COL26A1: variants seen among roughly 807,000 people sequenced by gnomAD.
COL26A1 encodes the protein collagen alpha-1(XXVI) chain.
A neutral mutation model predicts 59.3 loss-of-function variants in COL26A1; 41 were observed. That is an observed-to-expected ratio of 0.69 (90% CI 0.54 to 0.90). COL26A1 has a LOEUF of 0.90. Ranked by LOEUF, COL26A1 falls within the 40% of genes least tolerant of loss-of-function variation. The pLI is 0.00. For missense variants in COL26A1, 612 were observed against 602.3 expected (o/e 1.02, Z -0.17); for synonymous variants, 266 against 256.0 (o/e 1.04, Z -0.37).
Position 101,544,004 on chromosome 7 carries a change from C to G in COL26A1, c.611C>G (p.Pro204Arg). 3 of 1,569,142 alleles carry G rather than the reference C, an allele frequency of 1.9e-6. No individual in the cohort carries two copies. The highest frequency in any genetic ancestry group is 2.3e-5 in the South Asian group (2 of 85,324). ...TGTCTCCTTCTCTCCCCAGGGCCCC[C>G]GGGGCAGACAGGACCACCAGGGCCT... ...QRRPTGPAGP[P>R]GQTGPPGPAG... Residue 204 changes from proline to arginine, a missense_variant, in exon 6 of 13, where the codon CCG becomes CGG. Physicochemically the swap from Pro to Arg is moderately radical, Grantham distance 103. Transcript: ENST00000313669.
At chr7:101,514,727 G>A (rs1794993616) in intron 3 of COL26A1, among the ~76,000 whole-genome samples, 2 of 152,242 alleles carry the variant, frequency 1.3e-5, no homozygotes, top group South Asian at 4.1e-4. Context: ...GCGGGCAGGA[G>A]AGAAGGAGAA....
At chr7:101,555,662 A>G (rs987572549) in intron 11 of COL26A1, 125 bp from the exon 12 acceptor site, 6 of 622,942 alleles carry the variant, frequency 9.6e-6, no homozygotes, top group Admixed American at 4.8e-5. Context: ...TGCAGTGGTG[A>G]GGGTGTCGGG....
chr7:101,501,942 C>T (rs979045211), intron 3 of COL26A1, among the ~76,000 whole-genome samples: 30 of 152,296 alleles, frequency 2.0e-4, no homozygotes, highest in Admixed American at 1.9e-3. Context: ...GCTGCGTGTG[C>T]AGCTCCAAAA....
intron 3 of COL26A1, among the ~76,000 whole-genome samples, chr7:101,523,744 A>C (rs574388155): frequency 2.6e-4 from 40 of 152,272 alleles, no homozygotes; most frequent in Middle Eastern, 3.4e-3. Flanking sequence ...TCGTGTCTTA[A>C]TTACTATAGT....
chr7:101,488,271 ACT>A (rs1312932341), intron 3 of COL26A1, among the ~76,000 whole-genome samples: 1 of 147,602 alleles, frequency 6.8e-6, no homozygotes, highest in East Asian at 2.0e-4. Context: ...ACAGAGTGAG[ACT>A]CTGTCTCAAA....
At chr7:101,372,236 GCTCACTGCAACCTCCGC>G (rs1791212272) in intron 1 of COL26A1, among the ~76,000 whole-genome samples, 1 of 151,710 alleles carries the variant, frequency 6.6e-6, no homozygotes, top group African/African-American at 2.4e-5. Flanking sequence ...TGCGATCTTG[GCTCACTGCAACCTCCGC>G]CTCCAGGGTT....
At chr7:101,470,857 G>A (rs1022723700) in intron 3 of COL26A1, among the ~76,000 whole-genome samples, 7 of 151,938 alleles carry the variant, frequency 4.6e-5, no homozygotes, top group African/African-American at 7.3e-5. Context: ...CTCTAGTCAC[G>A]TGGCTGGCTT....
At chr7:101,503,255 T>C (rs141244210) in intron 3 of COL26A1, among the ~76,000 whole-genome samples, 46 of 152,332 alleles carry the variant, frequency 3.0e-4, no homozygotes, top group African/African-American at 1.0e-3. Context: ...CACCACCTCC[T>C]GGTTTGTATG....
Position 101,451,797 on chromosome 7 carries a change from T to C in COL26A1, c.385+4010T>C, listed in dbSNP as rs146954057. Among the ~76,000 whole-genome samples the C allele has an allele frequency of 3.6e-3, 538 of 151,268 alleles. 15 individuals are homozygous for C. The East Asian group carries it at 0.076, about 21-fold the overall frequency. ...TCCACTCACTGCAACATCAGCCTCCTGGGTTCAAGCGATTGTCCCACCTCA... is the reference window on the plus strand; with the variant it reads ...TCCACTCACTGCAACATCAGCCTCCCGGGTTCAAGCGATTGTCCCACCTCA... On this transcript the variant is annotated intron_variant, in intron 3 of 12. Transcript: ENST00000313669.
chr7:101,403,956 T>C (rs1483145472), intron 1 of COL26A1, among the ~76,000 whole-genome samples: 1 of 152,092 alleles, frequency 6.6e-6, no homozygotes, highest in African/African-American at 2.4e-5. Context: ...TTTGCCGGTG[T>C]GCTGGTGGGC....
At chr7:101,362,861 G>A (rs1205522374), upstream of COL26A1, 2 of 614,056 alleles carry the variant, frequency 3.3e-6, no homozygotes, top group East Asian at 6.6e-5. Flanking sequence ...AGGCGGCCCC[G>A]GAGAGGCGTG....
intron 3 of COL26A1, among the ~76,000 whole-genome samples, chr7:101,472,046 C>A (rs1221636694): frequency 1.3e-5 from 2 of 152,044 alleles, no homozygotes; most frequent in Non-Finnish European, 2.9e-5. Context: ...ACTTTGTCAC[C>A]CAGGCTGGAG....
chr7:101,540,151 T>TGTG, intron 5 of COL26A1, 102 bp downstream of exon 5: 1 of 1,206,474 alleles, frequency 8.3e-7, no homozygotes, highest in Non-Finnish European at 1.1e-6. Context: ...GACACTCTAG[T>TGTG]TCCAACATGC....
chr7:101,480,877 C>A (rs922896787), intron 3 of COL26A1, among the ~76,000 whole-genome samples: 2 of 152,112 alleles, frequency 1.3e-5, no homozygotes, highest in African/African-American at 4.8e-5. Flanking sequence ...ATGGTTAACT[C>A]ATCTTTGTCA....
chr7:101,462,637 C>A (rs2130431052), intron 3 of COL26A1, among the ~76,000 whole-genome samples: 1 of 152,220 alleles, frequency 6.6e-6, no homozygotes, highest in Non-Finnish European at 1.5e-5. Flanking sequence ...GTATTTATTT[C>A]TTTTTCTCTT....
chr7:101,533,394 C>G (rs1438271375), intron 4 of COL26A1, among the ~76,000 whole-genome samples: 1 of 151,908 alleles, frequency 6.6e-6, no homozygotes, highest in Non-Finnish European at 1.5e-5. Flanking sequence ...GCTCCCAGGA[C>G]CCGGGGGCTG....
chr7:101,442,809 T>C (rs1228692583), intron 2 of COL26A1, among the ~76,000 whole-genome samples: 1 of 152,106 alleles, frequency 6.6e-6, no homozygotes. Context: ...TGAGTGTGCA[T>C]GAGTGAGTCT....
chr7:101,450,493 G>C (rs1206531586), intron 3 of COL26A1, among the ~76,000 whole-genome samples: 1 of 152,090 alleles, frequency 6.6e-6, no homozygotes, highest in Non-Finnish European at 1.5e-5. Flanking sequence ...TGTGTGGCAT[G>C]GTCGAAGGTC....
Position 101,489,696 on chromosome 7 carries a change from TC to T in COL26A1, c.385+41910del, listed in dbSNP as rs1584455519. The stretch of plus-strand genomic sequence containing the variant: ...TCCTTCCTTCCTTTCTTTCTTTCTT[TC>T]TGTCTTTCTTTCTTTCATTCTTTCT... On this transcript the variant is annotated intron_variant, in intron 3 of 12. Transcript: ENST00000313669. Among the ~76,000 whole-genome samples the T allele has an allele frequency of 8.5e-3, 195 of 22,892 alleles. 14 individuals carry two copies. Among genetic ancestry groups the T allele is most frequent in the East Asian group, 0.031 (6 of 196 alleles). 15.0% of individuals were successfully genotyped at this position (22,892 alleles called of 152,430 possible). A position where few individuals can be genotyped will look rare whatever the true frequency, so the allele number is the denominator to read the frequency against.
Sources: allele counts gnomAD v4.1 joint callset (sites outside exome capture counted in the v4.1 genomes callset), GRCh38; gene constraint gnomAD v4.1.1; transcripts MANE v1.5; gene names NCBI Gene and HGNC (gene_info 2026-07-23, HGNC 2026-07-21).